SETD2: variants seen among roughly 807,000 people sequenced by gnomAD.
SETD2 encodes histone-lysine N-methyltransferase SETD2.
Under a neutral mutation model 242.1 loss-of-function variants are expected in SETD2, and 31 were observed. The observed-to-expected ratio is 0.13, with a 90% CI of 0.10 to 0.17. The LOEUF (loss-of-function observed/expected upper bound fraction) is 0.17, where lower values mean the gene tolerates loss of function less well. Ranked by LOEUF, SETD2 falls within the 10% of genes least tolerant of loss-of-function variation. The pLI is 1.00. For synonymous variants in SETD2, 1,006 were observed against 1,066.5 expected (o/e 0.94, Z 1.11); for missense variants, 2,481 against 3,046.3 (o/e 0.81, Z 4.37).
chr3:47,108,194 T>C (rs570556303), intron 5 of SETD2, among the ~76,000 whole-genome samples: 1 of 152,232 alleles, frequency 6.6e-6, no homozygotes, highest in African/African-American at 2.4e-5. Flanking sequence ...AATGACATCA[T>C]GGACTGCCTT....
At chr3:47,018,324 T>A (rs1336886727) in intron 19 of SETD2, among the ~76,000 whole-genome samples, 3 of 152,132 alleles carry the variant, frequency 2.0e-5, no homozygotes, top group Non-Finnish European at 4.4e-5. Flanking sequence ...GTATGGTCTG[T>A]CCTACCCAGG....
chr3:47,078,464 A>ATACT (rs1416371006), intron 12 of SETD2, among the ~76,000 whole-genome samples: 1 of 150,656 alleles, frequency 6.6e-6, no homozygotes, highest in Non-Finnish European at 1.5e-5. Flanking sequence ...AGAGTAAAGG[A>ATACT]TACTAAGGAG....
Position 47,164,032 on chromosome 3 carries a change from C to T in SETD2, c.-108G>A, listed in dbSNP as rs2106869873. On this transcript the variant is annotated 5_prime_UTR_variant, in exon 1 of 21. Transcript: ENST00000409792. This position sits in a 1 kb window ranked among gnomAD's most constrained non-coding sequence, Gnocchi z 5.4. Reference sequence around the variant, plus strand: ...CCGACCGCGGCGGCGGCGGCGGCGGCGGCGGCGGCGGCAGGGGCGGCCCGC... The same window carrying T: ...CCGACCGCGGCGGCGGCGGCGGCGGTGGCGGCGGCGGCAGGGGCGGCCCGC... 8.2e-7 allele frequency: 1 copy of T among 1,222,426 alleles called. No homozygotes were observed. The highest frequency in any genetic ancestry group is 1.0e-6 in the Non-Finnish European group (1 of 976,832). 75.7% of individuals were successfully genotyped at this position (1,222,426 alleles called of 1,614,324 possible).
At chr3:47,019,426 C>T (rs982185952) in intron 19 of SETD2, among the ~76,000 whole-genome samples, 1 of 152,196 alleles carries the variant, frequency 6.6e-6, no homozygotes, top group South Asian at 2.1e-4. Flanking sequence ...GTGTCATTCA[C>T]ATAACAACTA....
At position 47,122,245 on chromosome 3, in the gene SETD2, C is replaced by T. The variant is rs1028206043; in HGVS notation, c.2391G>A (p.Leu797=). 6.2e-7 allele frequency: 1 copy of T among 1,614,098 alleles called. No homozygotes were observed. Among genetic ancestry groups the T allele is most frequent in the Non-Finnish European group, 8.5e-7 (1 of 1,180,002 alleles). ...KTKDSDIYCT[L]NDSNPSLCNS... ...TACACAAAGAAGGGTTGCTATCGTT[C>T]AAAGTACAGTATATGTCTGAATCTT... is the stretch of plus-strand genomic sequence containing the variant. The change falls in exon 3 of 21, where the codon TTG becomes TTA. Residue 797 remains leucine (L), a synonymous_variant. Coordinates refer to ENST00000409792, the MANE Select transcript of SETD2 (RefSeq NM_014159.7).
At position 47,018,688 on chromosome 3, in the gene SETD2, T is replaced by C. The variant is rs554258728; in HGVS notation, c.7432-949A>G. 1.1e-4 allele frequency among the ~76,000 whole-genome samples: 17 copies of C among 152,272 alleles called. No homozygotes were observed. The South Asian group carries it at 1.9e-3, about 17-fold the overall frequency. On this transcript the variant is annotated intron_variant, in intron 19 of 20. Coordinates refer to ENST00000409792, the MANE Select transcript of SETD2 (RefSeq NM_014159.7). ...TTCAGTCTATCCCCTCAAACACAGA[T>C]AGGGATTTCATTACCCCCTGCTTAA... is the stretch of plus-strand genomic sequence containing the variant.
intron 1 of SETD2, among the ~76,000 whole-genome samples, chr3:47,142,914 C>T (rs71328925): frequency 6.6e-6 from 1 of 152,022 alleles, no homozygotes; most frequent in African/African-American, 2.4e-5. Flanking sequence ...GGTGATCTGC[C>T]CCACCTCAGC....
intron 15 of SETD2, among the ~76,000 whole-genome samples, chr3:47,051,445 C>T (rs1434432614): frequency 6.6e-6 from 1 of 152,078 alleles, no homozygotes; most frequent in Non-Finnish European, 1.5e-5. Context: ...ATCTCTTTTA[C>T]CCAGAGCAGC....
chr3:47,042,408 TA>T (rs2039323457), intron 17 of SETD2, among the ~76,000 whole-genome samples, 152 bp downstream of exon 17: 1 of 152,160 alleles, frequency 6.6e-6, no homozygotes, highest in Non-Finnish European at 1.5e-5. Context: ...ACGTCTAAAA[TA>T]CACTTAAGAT....
intron 1 of SETD2, among the ~76,000 whole-genome samples, chr3:47,156,883 C>A (rs2044138159): frequency 1.3e-5 from 2 of 152,190 alleles, no homozygotes; most frequent in Non-Finnish European, 2.9e-5. Flanking sequence ...CGGTGGCTCA[C>A]ATCTGTAATC....
intron 15 of SETD2, among the ~76,000 whole-genome samples, chr3:47,049,479 T>G (rs1390559882): frequency 6.9e-6 from 1 of 145,492 alleles, no homozygotes; most frequent in Non-Finnish European, 1.5e-5. Context: ...TTCACGCCAT[T>G]CTCCTGCCTC....
intron 12 of SETD2, among the ~76,000 whole-genome samples, chr3:47,072,807 C>T (rs2040881798): frequency 1.3e-5 from 2 of 151,718 alleles, no homozygotes; most frequent in African/African-American, 2.4e-5. Context: ...ATTAGCTGTG[C>T]GTGGTGGCGG....
At position 47,057,487 on chromosome 3, in the gene SETD2, A is replaced by G. The variant is rs557972733; in HGVS notation, c.6297T>C (p.Tyr2099=). 10 of 1,611,560 alleles carry G rather than the reference A, an allele frequency of 6.2e-6. No homozygotes were observed. The African/African-American group carries it at 6.7e-5, about 11-fold the overall frequency. Residue 2099 remains tyrosine, a synonymous_variant, in exon 15 of 21, where the codon TAT becomes TAC. Coordinates refer to ENST00000409792, the MANE Select transcript of SETD2 (RefSeq NM_014159.7). ...CTTTCTTTTTAGAAGTTGGTGTATCATATCTAGAAAGAAAATAAGGACCAC... is the reference window on the plus strand; with the variant it reads ...CTTTCTTTTTAGAAGTTGGTGTATCGTATCTAGAAAGAAAATAAGGACCAC... ...ERGTKRPDDR[Y]DTPTSKKKVR... is the part of the protein sequence containing the mutation.
Position 47,121,949 on chromosome 3 carries a change from G to T in SETD2, c.2687C>A (p.Thr896Asn). The T allele has an allele frequency of 6.2e-7, 1 of 1,613,980 alleles. No individual in the cohort carries two copies. The highest frequency in any genetic ancestry group is 8.5e-7 in the Non-Finnish European group (1 of 1,179,996). ...LPPGIKVDSL[T>N]LLKCGENTSP... ...TGTGTTCTCTCCGCATTTCAAGAGA[G>T]TTAGACTGTCCACCTTTATTCCTGG... is the stretch of plus-strand genomic sequence containing the variant. The change falls in exon 3 of 21, where the codon ACT (threonine) becomes AAT (asparagine). Residue 896 changes from threonine (T) to asparagine (N), a missense_variant. Around this residue, in one of 17 missense-constraint regions of SETD2, gnomAD observed 1,300 missense variants for 1,259.2 expected, o/e 1.03. Coordinates refer to ENST00000409792, the MANE Select transcript of SETD2 (RefSeq NM_014159.7).
intron 1 of SETD2, among the ~76,000 whole-genome samples, chr3:47,128,098 A>T (rs2043388861): frequency 6.6e-6 from 1 of 152,240 alleles, no homozygotes; most frequent in Admixed American, 6.5e-5. Flanking sequence ...GAAAGAAGCC[A>T]ACAATAAGAT....
intron 1 of SETD2, among the ~76,000 whole-genome samples, chr3:47,160,021 T>G (rs1697443223): frequency 6.6e-6 from 1 of 151,960 alleles, no homozygotes; most frequent in Non-Finnish European, 1.5e-5. Context: ...CCCAGTTTAT[T>G]ATTACACCTT....
chr3:47,083,575 A>G (rs2041408059), intron 12 of SETD2, 145 bp downstream of exon 12: 1 of 750,652 alleles, frequency 1.3e-6, no homozygotes. Context: ...GATGTTTGAG[A>G]CACTTATAAA....
At position 47,125,495 on chromosome 3, in the gene SETD2, T is replaced by C. The variant is rs114124556; in HGVS notation, c.88-947A>G. Reference sequence around the variant, plus strand: ...AACAAACAAACAAAAAAGCATTACATAGGCAATTCTAATCAATGTCCCAGG... The same window carrying C: ...AACAAACAAACAAAAAAGCATTACACAGGCAATTCTAATCAATGTCCCAGG... On this transcript the variant is annotated intron_variant, in intron 2 of 20. Transcript: ENST00000409792. Among the ~76,000 whole-genome samples, 528 of 152,266 alleles carry C rather than the reference T, an allele frequency of 3.5e-3. 3 individuals are homozygous for C. The highest frequency in any genetic ancestry group is 0.012 in the African/African-American group (494 of 41,548).
At chr3:47,053,743 G>A (rs2039946283) in intron 15 of SETD2, among the ~76,000 whole-genome samples, 1 of 152,126 alleles carries the variant, frequency 6.6e-6, no homozygotes, top group Admixed American at 6.6e-5. Flanking sequence ...AAACTTCAAG[G>A]CTCCTAGAGG....
Sources: allele counts gnomAD v4.1 joint callset (sites outside exome capture counted in the v4.1 genomes callset), GRCh38; gene constraint gnomAD v4.1.1; regional missense constraint gnomAD v4.1.1; non-coding constraint Gnocchi (gnomAD v3.1); transcripts MANE v1.5; gene names NCBI Gene and HGNC (gene_info 2026-07-23, HGNC 2026-07-21).